The following RAD51B variants were observed in gnomAD, a reference collection of about 807,000 sequenced individuals.
The protein encoded by RAD51B is DNA repair protein RAD51 homolog 2.
RAD51B carries 38 observed loss-of-function variants against 42.2 expected under a neutral mutation model. The observed-to-expected ratio is 0.90, with a 90% CI of 0.70 to 1.18. The LOEUF is 1.18. Ranked by LOEUF, RAD51B falls within the 50% of genes most tolerant of loss-of-function variation. RAD51B has a pLI of 0.00. For synonymous variants in RAD51B, 154 were observed against 145.2 expected (o/e 1.06, Z -0.43); for missense variants, 373 against 400.7 (o/e 0.93, Z 0.59).
At position 68,400,263 on chromosome 14, in the gene RAD51B, C is replaced by T. The variant is rs561253273; in HGVS notation, c.854-11161C>T. ...AAAGTACTTCGTTGGATATGTAAAG[C>T]GACCAAATGTTACTTCACTGTAGTT... On this transcript the variant is annotated intron_variant, in intron 8 of 10. Coordinates refer to ENST00000471583, the MANE Select transcript of RAD51B (RefSeq NM_133510.4). Among the ~76,000 whole-genome samples the T allele has an allele frequency of 6.6e-5, 10 of 152,278 alleles. No individual in the cohort carries two copies. In the East Asian group the frequency reaches 1.2e-3, roughly 18 times the overall value.
At chr14:68,509,300 A>G (rs1260577245) in intron 10 of RAD51B, among the ~76,000 whole-genome samples, 2 of 152,204 alleles carry the variant, frequency 1.3e-5, no homozygotes, top group Non-Finnish European at 2.9e-5. Flanking sequence ...TGCCATGTTA[A>G]AGCTCCCCAG....
intron 7 of RAD51B, among the ~76,000 whole-genome samples, chr14:68,056,002 T>C (rs2076468186): frequency 6.6e-6 from 1 of 152,164 alleles, no homozygotes; most frequent in South Asian, 2.1e-4. Flanking sequence ...GAAATGACTT[T>C]TTTAGTGCCC....
intron 9 of RAD51B, among the ~76,000 whole-genome samples, chr14:68,461,282 G>A (rs528710277): frequency 6.7e-6 from 1 of 149,122 alleles, no homozygotes; most frequent in South Asian, 2.1e-4. Context: ...CAGCCCGCAC[G>A]GATACCCTGT....
downstream of RAD51B, among the ~76,000 whole-genome samples, chr14:68,616,318 C>A (rs74581541): frequency 6.3e-3 from 955 of 151,350 alleles, 9 homozygotes; most frequent in African/African-American, 0.022. Context: ...GGTGAATTGT[C>A]TAAGCTTTCA....
intron 7 of RAD51B, among the ~76,000 whole-genome samples, chr14:68,281,750 AT>A (rs2081322868): frequency 6.6e-6 from 1 of 152,218 alleles, no homozygotes; most frequent in African/African-American, 2.4e-5. Flanking sequence ...GAGAAAAACT[AT>A]GGTCTAGCAC....
chr14:68,512,617 A>G (rs368563876), intron 10 of RAD51B, among the ~76,000 whole-genome samples: 2 of 152,136 alleles, frequency 1.3e-5, no homozygotes, highest in South Asian at 2.1e-4. Context: ...TCATGCATGC[A>G]TGCATTCATT....
At chr14:67,998,224 T>TA (rs1275999274) in intron 7 of RAD51B, among the ~76,000 whole-genome samples, 22 of 152,238 alleles carry the variant, frequency 1.4e-4, no homozygotes, top group Non-Finnish European at 1.5e-5. Flanking sequence ...AGTGCTTTTT[T>TA]AACGTTACAT....
At chr14:68,397,313 A>G (rs968768059) in intron 8 of RAD51B, among the ~76,000 whole-genome samples, 7 of 152,242 alleles carry the variant, frequency 4.6e-5, no homozygotes, top group Admixed American at 1.3e-4. Flanking sequence ...CATATTTTGC[A>G]GATGTGAACT....
At chr14:68,246,060 A>G (rs2080491543) in intron 7 of RAD51B, among the ~76,000 whole-genome samples, 1 of 152,180 alleles carries the variant, frequency 6.6e-6, no homozygotes, top group South Asian at 2.1e-4. Context: ...TTAGACTTAA[A>G]GTTTTATATG....
chr14:68,374,767 T>A (rs184952400), intron 8 of RAD51B, among the ~76,000 whole-genome samples: 1 of 149,506 alleles, frequency 6.7e-6, no homozygotes, highest in East Asian at 1.9e-4. Context: ...AGTATGTTAA[T>A]GTCAATATTA....
chr14:68,336,348 A>T (rs2082454777), intron 8 of RAD51B, among the ~76,000 whole-genome samples: 1 of 152,216 alleles, frequency 6.6e-6, no homozygotes, highest in Admixed American at 6.5e-5. Context: ...AAAAGGTAAG[A>T]TCATTTACTT....
chr14:68,292,015 C>T, intron 8 of RAD51B, 35 bp downstream of exon 8: 2 of 1,546,752 alleles, frequency 1.3e-6, no homozygotes, highest in Non-Finnish European at 1.8e-6. Flanking sequence ...TGAAACTTGA[C>T]ACTGACATAG....
intron 8 of RAD51B, among the ~76,000 whole-genome samples, chr14:68,400,683 T>C (rs1032313981): frequency 7.9e-5 from 12 of 152,202 alleles, no homozygotes; most frequent in Admixed American, 3.3e-4. Context: ...AAACATATTT[T>C]ATGCAAGCAT....
intron 8 of RAD51B, among the ~76,000 whole-genome samples, chr14:68,406,483 A>G (rs2084277634): frequency 1.3e-5 from 2 of 152,226 alleles, no homozygotes; most frequent in South Asian, 4.1e-4. Context: ...AAGGATTAAA[A>G]ATGGTACACC....
chr14:68,291,302 G>T (rs978942412), intron 7 of RAD51B, among the ~76,000 whole-genome samples: 1 of 152,012 alleles, frequency 6.6e-6, no homozygotes, highest in Non-Finnish European at 1.5e-5. Context: ...GGATTCAAGC[G>T]ATTCTCCTGC....
intron 7 of RAD51B, among the ~76,000 whole-genome samples, chr14:68,149,099 T>G (rs1409131361): frequency 2.6e-5 from 4 of 152,210 alleles, no homozygotes; most frequent in African/African-American, 9.6e-5. Context: ...GTCCTGTGGA[T>G]GCAAGTCCTT....
intron 9 of RAD51B, among the ~76,000 whole-genome samples, chr14:68,443,086 T>C (rs1320205299): frequency 1.3e-5 from 2 of 152,210 alleles, no homozygotes; most frequent in Admixed American, 6.5e-5. Flanking sequence ...GCATTTGCCT[T>C]TCCTCCTCAA....
intron 8 of RAD51B, among the ~76,000 whole-genome samples, chr14:68,292,305 G>A (rs1004306717): frequency 3.3e-5 from 5 of 152,238 alleles, no homozygotes; most frequent in African/African-American, 1.2e-4. Context: ...TTTCCCAGTG[G>A]TCCCCTAGCA....
At chr14:68,092,199 C>T (rs1031648208) in intron 7 of RAD51B, among the ~76,000 whole-genome samples, 2 of 152,066 alleles carry the variant, frequency 1.3e-5, no homozygotes, top group African/African-American at 2.4e-5. Flanking sequence ...TTTGGTTCCA[C>T]ATGAACTGTA....
Sources: allele counts gnomAD v4.1 joint callset (sites outside exome capture counted in the v4.1 genomes callset), GRCh38; gene constraint gnomAD v4.1.1; transcripts MANE v1.5; gene names NCBI Gene and HGNC (gene_info 2026-07-23, HGNC 2026-07-21).